Variants in MYO1C observed in about 807,000 individuals in gnomAD.
MYO1C encodes unconventional myosin-Ic.
A neutral mutation model predicts 150.8 loss-of-function variants in MYO1C; 104 were observed. The ratio of observed to expected loss-of-function variants is 0.69; its 90% CI spans 0.59 to 0.81. The LOEUF (loss-of-function observed/expected upper bound fraction) is 0.81. MYO1C is among the 30% of genes least tolerant of loss of function. The pLI, the probability that MYO1C is intolerant of heterozygous loss-of-function variation, is 0.00. For missense variants in MYO1C, 1,504 were observed against 1,435.0 expected (o/e 1.05, Z -0.78); for synonymous variants, 663 against 579.9 (o/e 1.14, Z -2.06).
At chr17:1,486,309 G>C (rs2074654483) in intron 1 of MYO1C, 1 of 152,216 alleles carries the variant, frequency 6.6e-6, no homozygotes, top group South Asian at 2.1e-4. Context: ...GGTTTTCCTC[G>C]TCAGCACGGA....
chr17:1,491,443 T>C (rs1380943378), intron 1 of MYO1C, among the ~76,000 whole-genome samples: 1 of 96,262 alleles, frequency 1.0e-5, no homozygotes, highest in Non-Finnish European at 2.0e-5. Context: ...CTCCGGGTCG[T>C]GGGACCCCCC....
chr17:1,483,471 C>T (rs554630828), intron 3 of MYO1C, 139 bp downstream of exon 3: 223 of 678,542 alleles, frequency 3.3e-4, no homozygotes, highest in Non-Finnish European at 5.2e-4. Flanking sequence ...TCTCTGGTCA[C>T]TGGGGGGCAA....
At position 1,471,279 on chromosome 17, in the gene MYO1C, C is replaced by A; in HGVS notation, c.2079G>T (p.Gly693=). Residue 693 remains glycine, a synonymous_variant, in exon 20 of 32, where the codon GGG becomes GGT. Transcript: ENST00000648651. The stretch of plus-strand genomic sequence containing the variant: ...CCAGGTGTCGGACCAGCACAGCCAC[C>A]CCATCCTGCGGCCGTCCTGCCCACG... ...WPTWAGRPQD[G]VAVLVRHLGY... is the part of the protein sequence containing the mutation. The A allele has an allele frequency of 6.2e-7, 1 of 1,614,004 alleles. No individual in the cohort carries two copies. The highest frequency in any genetic ancestry group is 1.3e-5 in the African/African-American group (1 of 75,014).
chr17:1,472,884 A>C (rs1196407199), intron 17 of MYO1C, among the ~76,000 whole-genome samples: 2 of 152,140 alleles, frequency 1.3e-5, no homozygotes, highest in Non-Finnish European at 2.9e-5. Context: ...TGGCTGGACA[A>C]GGGAGACAAG....
intron 1 of MYO1C, 93 bp from the exon 2 acceptor site, chr17:1,484,396 G>C: frequency 6.7e-7 from 1 of 1,485,124 alleles, no homozygotes; most frequent in African/African-American, 1.4e-5. Flanking sequence ...GGAACGTAGG[G>C]GCTTGTGGAC....
chr17:1,474,680 C>T lies in MYO1C; in HGVS notation c.1727G>A (p.Ser576Asn), dbSNP rs1399731746. 6.2e-7 allele frequency: 1 copy of T among 1,614,060 alleles called. No individual in the cohort carries two copies. Among genetic ancestry groups the T allele is most frequent in the Admixed American group, 1.7e-5 (1 of 60,028 alleles). Residue 576 changes from serine (S) to asparagine (N), a missense_variant, in exon 17 of 32, where the codon AGC becomes AAC. Coordinates refer to ENST00000648651, the MANE Select transcript of MYO1C (RefSeq NM_001080779.2). ...LFRNLKETMC[S>N]SKNPIMSQCF... Reference sequence around the variant, plus strand: ...CTGGCTCATAATGGGATTCTTTGAGCTACACATGGTCTGTGTGGGCAGAGC... The same window carrying T: ...CTGGCTCATAATGGGATTCTTTGAGTTACACATGGTCTGTGTGGGCAGAGC...
rs869242496 is a variant in MYO1C, at chr17:1,474,427, CAA to C, written c.1797+181_1797+182del. Among the ~76,000 whole-genome samples the C allele has an allele frequency of 0.098, 8,360 of 85,370 alleles. 217 individuals carry two copies. The highest frequency in any genetic ancestry group is 0.24 in the Middle Eastern group (35 of 144). The allele number at this position is 85,370 out of a possible 152,430, so 56.0% of individuals were successfully genotyped here. ...TGGGCAACAGAGCGAGACCCTGTCT[CAA>C]AAAAAAAAAAAAAAAAAAAAAGTAG... On this transcript the variant is annotated intron_variant, in intron 17 of 31. Transcript: ENST00000648651.
In MYO1C at chr17:1,478,306, C is replaced by T. The variant is rs45450200; in HGVS notation, c.1295+104G>A. ...AGGTGAGAAACACAGAGACAGTCCCCGGCTGGCTGGGGAGTCACAGGGCAG... is the reference window on the plus strand; with the variant it reads ...AGGTGAGAAACACAGAGACAGTCCCTGGCTGGCTGGGGAGTCACAGGGCAG... On this transcript the variant is annotated intron_variant, in intron 11 of 31. Coordinates refer to ENST00000648651, the MANE Select transcript of MYO1C (RefSeq NM_001080779.2). The surrounding 1 kb of genome is among the most constrained non-coding windows in gnomAD (Gnocchi z 6.3). The T allele has an allele frequency of 2.4e-3, 3,681 of 1,562,340 alleles. 63 individuals are homozygous for T. In the African/African-American group the frequency reaches 0.038, roughly 16 times the overall value.
At chr17:1,472,052 C>G (rs367620644) in intron 18 of MYO1C, 28 bp from the exon 19 acceptor site, 3 of 1,610,856 alleles carry the variant, frequency 1.9e-6, no homozygotes. Context: ...CCGTGGTCAG[C>G]GGGCTGGCGC....
rs540645895 is a variant in MYO1C at position 1,480,847 on chromosome 17, C to G, written c.666G>C (p.Leu222=). Residue 222 remains leucine (L), a synonymous_variant, in exon 6 of 32, where the codon CTG becomes CTC. Coordinates refer to ENST00000648651, the MANE Select transcript of MYO1C (RefSeq NM_001080779.2). ...PVGGHILSYL[L]EKSRVVHQNH... ...TCTGGTGCACCACTCGTGACTTTTC[C>G]AGGAGGTAACTGAGGATGTGGCCAC... 6.2e-7 allele frequency: 1 copy of G among 1,614,018 alleles called. No individual in the cohort carries two copies.
At position 1,474,696 on chromosome 17, in the gene MYO1C, T is replaced by G. The variant is rs746826723; in HGVS notation, c.1717-6A>C. The G allele has an allele frequency of 1.9e-6, 3 of 1,613,988 alleles. No homozygotes were observed. In the Admixed American group the frequency reaches 5.0e-5, roughly 27 times the overall value. ...TTCTTTGAGCTACACATGGTCTGTG[T>G]GGGCAGAGCCGGGGTCAGGGTGGGG... On this transcript the variant is annotated splice_polypyrimidine_tract_variant and splice_region_variant and intron_variant, in intron 16 of 31. Transcript: ENST00000648651.
intron 17 of MYO1C, among the ~76,000 whole-genome samples, chr17:1,472,517 T>G (rs1598328003): frequency 6.6e-6 from 1 of 152,220 alleles, no homozygotes; most frequent in Non-Finnish European, 1.5e-5. Flanking sequence ...GTGGCCCTTC[T>G]TTTTCTTTCT....
In MYO1C at chr17:1,474,874, C is replaced by G. The variant is rs9897989; in HGVS notation, c.1670-16G>C. The G allele has an allele frequency of 6.2e-7, 1 of 1,613,802 alleles. No homozygotes were observed. Among genetic ancestry groups the G allele is most frequent in the South Asian group, 1.1e-5 (1 of 91,064 alleles). ...TCCAGAAACCCTGGGAGGGGAGAAC[C>G]GACGTGAGGTGAGACAGAGCCTCCC... On this transcript the variant is annotated splice_polypyrimidine_tract_variant and intron_variant, in intron 15 of 31. Transcript: ENST00000648651.
intron 14 of MYO1C, among the ~76,000 whole-genome samples, chr17:1,475,626 C>T (rs554883217): frequency 2.6e-5 from 4 of 152,356 alleles, no homozygotes; most frequent in African/African-American, 9.6e-5. Flanking sequence ...TGGTGAGCTG[C>T]GCACTACTTT....
chr17:1,484,040 CA>C (rs375403851), intron 2 of MYO1C, 107 bp downstream of exon 2: 184,770 of 1,038,334 alleles, frequency 0.18, 1 homozygote, highest in South Asian at 0.22. Flanking sequence ...GAAACTGTCT[CA>C]AAAAAAAAAA....
chr17:1,485,675 C>G (rs1199898846), intron 1 of MYO1C: 28 of 1,214,024 alleles, frequency 2.3e-5, no homozygotes, highest in Non-Finnish European at 2.9e-5. Flanking sequence ...CCGCCCTGCC[C>G]CGCCGCCCCC....
In MYO1C at chr17:1,464,815, C is replaced by CT. The variant is rs557106289; in HGVS notation, c.*910dup. The CT allele has an allele frequency of 5.6e-3, 810 of 143,952 alleles. 5 individuals carry two copies. The highest frequency in any genetic ancestry group is 8.8e-3 in the African/African-American group (340 of 38,846). 8.9% of individuals were successfully genotyped at this position (143,952 alleles called of 1,614,324 possible). On this transcript the variant is annotated 3_prime_UTR_variant, in exon 32 of 32. Transcript: ENST00000648651. ...ATGATGAGGACAGTAAAAGGGCGTT[C>CT]TTTTTTTTTTTTTTTAAGACGGAGT...
chr17:1,486,735 G>A (rs8067958), intron 1 of MYO1C: 1 of 152,122 alleles, frequency 6.6e-6, no homozygotes, highest in Non-Finnish European at 1.5e-5. Flanking sequence ...AAGCTGGTCT[G>A]GAACTCCTGA....
intron 17 of MYO1C, among the ~76,000 whole-genome samples, chr17:1,474,197 C>T: frequency 6.6e-6 from 1 of 152,056 alleles, no homozygotes; most frequent in East Asian, 1.9e-4. Flanking sequence ...GAGGCCGAGG[C>T]AGGTGGATCA....
Sources: allele counts gnomAD v4.1 joint callset (sites outside exome capture counted in the v4.1 genomes callset), GRCh38; gene constraint gnomAD v4.1.1; non-coding constraint Gnocchi (gnomAD v3.1); transcripts MANE v1.5; gene names NCBI Gene and HGNC (gene_info 2026-07-23, HGNC 2026-07-21).